The following SMAD1 variants were observed in gnomAD, a reference collection of about 807,000 sequenced individuals.
SMAD1 encodes the protein SMAD family member 1.
In SMAD1, 6 loss-of-function variants were observed where a neutral mutation model predicts 41.6. That is an observed-to-expected ratio of 0.14 (90% CI 0.08 to 0.28). The LOEUF is 0.28. Ranked by LOEUF, SMAD1 falls within the 10% of genes least tolerant of loss-of-function variation. The pLI, the probability that SMAD1 is intolerant of heterozygous loss-of-function variation, is 1.00. For missense variants in SMAD1, 379 were observed against 582.6 expected, an observed-to-expected ratio of 0.65 and a Z score of 3.60; for synonymous variants, 206 against 203.2, an observed-to-expected ratio of 1.01 and a Z score of -0.12.
At chr4:145,545,922 G>T (rs1732225807) in intron 4 of SMAD1, 1 of 152,182 alleles carries the variant, frequency 6.6e-6, no homozygotes. Context: ...AGTCTTAAGA[G>T]ATTTGACTTA....
At chr4:145,538,667 T>TA (rs1314608715) in intron 2 of SMAD1, among the ~76,000 whole-genome samples, 5 of 152,142 alleles carry the variant, frequency 3.3e-5, no homozygotes, top group South Asian at 2.1e-4. Flanking sequence ...TTTGGGGAAA[T>TA]ATATTCTGAT....
At chr4:145,549,458 G>C (rs1053382787) in intron 5 of SMAD1, among the ~76,000 whole-genome samples, 1 of 152,178 alleles carries the variant, frequency 6.6e-6, no homozygotes, top group Non-Finnish European at 1.5e-5. Flanking sequence ...CATACAGACA[G>C]ACACACACAT....
chr4:145,524,436 A>G (rs749552085), intron 2 of SMAD1, among the ~76,000 whole-genome samples: 6 of 152,218 alleles, frequency 3.9e-5, no homozygotes, highest in Non-Finnish European at 5.9e-5. Context: ...ACTTTTACAT[A>G]AACTGTAAAA....
At chr4:145,515,162 G>GTC (rs1730307548) in intron 2 of SMAD1, 149 bp downstream of exon 2, 8 of 721,018 alleles carry the variant, frequency 1.1e-5, no homozygotes, top group African/African-American at 1.8e-5. Context: ...GTGTGTGTGT[G>GTC]TGTGTGTGTG....
In SMAD1 at chr4:145,508,080, A is replaced by ATT. The variant is rs35756866; in HGVS notation, c.-176-6342_-176-6341dup. Among the ~76,000 whole-genome samples, 40 of 138,452 alleles carry ATT rather than the reference A, an allele frequency of 2.9e-4. 1 individual carries two copies. The highest frequency in any genetic ancestry group is 2.1e-3 in the South Asian group (9 of 4,322). The allele number at this position is 138,452 out of a possible 152,430, so 90.8% of individuals were successfully genotyped here. A position where few individuals can be genotyped will look rare whatever the true frequency, so the allele number is the denominator to read the frequency against. On this transcript the variant is annotated intron_variant, in intron 1 of 6. Transcript: ENST00000302085. ...TAATGTTTGGATGCCCTTGGTTTAG[A>ATT]TTTTTTTTTTTTTTTTTGCTCCCAG...
rs928636996 is a variant in SMAD1 at position 145,515,328 on chromosome 4, A to G, written c.400+315A>G. On this transcript the variant is annotated intron_variant, in intron 2 of 6. Coordinates refer to ENST00000302085, the MANE Select transcript of SMAD1 (RefSeq NM_005900.3). ...ATTTTTAATAAATTGTTTTCTTTCTAAATTTATTTTTTATGTCTCACATGG... is the reference window on the plus strand; with the variant it reads ...ATTTTTAATAAATTGTTTTCTTTCTGAATTTATTTTTTATGTCTCACATGG... 5.3e-5 allele frequency among the ~76,000 whole-genome samples: 8 copies of G among 152,240 alleles called. 1 individual carries two copies. The highest frequency in any genetic ancestry group is 2.6e-4 in the Admixed American group (4 of 15,282).
chr4:145,522,340 G>A lies in SMAD1; in HGVS notation c.400+7327G>A, dbSNP rs184542343. Among the ~76,000 whole-genome samples, 435 of 152,182 alleles carry A rather than the reference G, an allele frequency of 2.9e-3. 4 individuals carry two copies. Among genetic ancestry groups the A allele is most frequent in the Admixed American group, 4.5e-3 (69 of 15,298 alleles). ...AAATGGTCTGGGTGCAGTGGCTCACGCCTGTAATCCCAGCACTGTGGGAGG... is the reference window on the plus strand; with the variant it reads ...AAATGGTCTGGGTGCAGTGGCTCACACCTGTAATCCCAGCACTGTGGGAGG... On this transcript the variant is annotated intron_variant, in intron 2 of 6. Transcript: ENST00000302085.
At chr4:145,549,926 G>A (rs1732465785) in intron 5 of SMAD1, among the ~76,000 whole-genome samples, 1 of 152,114 alleles carries the variant, frequency 6.6e-6, no homozygotes, top group South Asian at 2.1e-4. Flanking sequence ...ACACAATTTT[G>A]CATACATTTG....
chr4:145,553,945 G>C lies in SMAD1; in HGVS notation c.1159G>C (p.Glu387Gln), dbSNP rs1418440746. 6.2e-7 allele frequency: 1 copy of C among 1,614,038 alleles called. No homozygotes were observed. Among genetic ancestry groups the C allele is most frequent in the Non-Finnish European group, 8.5e-7 (1 of 1,179,996 alleles). Residue 387 changes from glutamate (E) to glutamine (Q), a missense_variant, in exon 6 of 7, where the codon GAA (glutamate) becomes CAA (glutamine). Physicochemically the swap from Glu to Gln is conservative, Grantham distance 29. This residue lies in a region of SMAD1 where 107 missense variants were observed against 218.3 expected (regional missense o/e 0.49). Coordinates refer to ENST00000302085, the MANE Select transcript of SMAD1 (RefSeq NM_005900.3). ...TAGTCTGAAAATTTTTAACAACCAA[G>C]AATTTGCTCAGTTATTGGCACAGTC... ...GCSLKIFNNQ[E>Q]FAQLLAQSVN...
chr4:145,527,227 CTT>C (rs368437867), intron 2 of SMAD1, among the ~76,000 whole-genome samples: 19 of 143,526 alleles, frequency 1.3e-4, no homozygotes, highest in East Asian at 2.0e-4. Context: ...TCATTTAATT[CTT>C]TTTTTTTTTT....
In SMAD1 at chr4:145,482,232, C is replaced by T. The variant is rs1010332180; in HGVS notation, c.-177+194C>T. Among the ~76,000 whole-genome samples, 5 of 150,498 alleles carry T rather than the reference C, an allele frequency of 3.3e-5. No individual in the cohort carries two copies. The highest frequency in any genetic ancestry group is 7.5e-5 in the Non-Finnish European group (5 of 66,888). On this transcript the variant is annotated intron_variant, in intron 1 of 6. Coordinates refer to ENST00000302085, the MANE Select transcript of SMAD1 (RefSeq NM_005900.3). The surrounding 1 kb of genome is among the most constrained non-coding windows in gnomAD (Gnocchi z 4.2). ...CGCGGGGCGGGCCGCGACCCCCCCC[C>T]CCCATGATGGCGCCTCCCGTCTGCT...
At position 145,558,325 on chromosome 4, in the gene SMAD1, G is replaced by A. The variant is rs1017162198; in HGVS notation, c.*391G>A. Among the ~76,000 whole-genome samples, 10 of 152,112 alleles carry A rather than the reference G, an allele frequency of 6.6e-5. No individual in the cohort carries two copies. The highest frequency in any genetic ancestry group is 2.4e-4 in the African/African-American group (10 of 41,434). On this transcript the variant is annotated 3_prime_UTR_variant, in exon 7 of 7. Coordinates refer to ENST00000302085, the MANE Select transcript of SMAD1 (RefSeq NM_005900.3). Reference sequence around the variant, plus strand: ...GGGCAGAAGTTTAGCATTAATAGTTGTTCTGAAACGTGTTTTATCAGGTTT... The same window carrying A: ...GGGCAGAAGTTTAGCATTAATAGTTATTCTGAAACGTGTTTTATCAGGTTT...
upstream of SMAD1, chr4:145,481,442 T>C (rs1728164548): frequency 6.6e-6 from 1 of 152,132 alleles, no homozygotes; most frequent in Non-Finnish European, 1.5e-5. Context: ...AACGATTCAG[T>C]GGGCGCGGTG....
intron 1 of SMAD1, among the ~76,000 whole-genome samples, chr4:145,491,022 G>A (rs141431181): frequency 1.3e-5 from 2 of 152,270 alleles, no homozygotes; most frequent in African/African-American, 4.8e-5. Context: ...CCACTGGGGG[G>A]AGGGTTATTA....
At chr4:145,553,448 C>G (rs1043132425) in intron 5 of SMAD1, among the ~76,000 whole-genome samples, 7 of 152,082 alleles carry the variant, frequency 4.6e-5, no homozygotes, top group African/African-American at 1.7e-4. Flanking sequence ...ATAAGGAGCA[C>G]GCAACCTTGA....
At chr4:145,484,158 A>G (rs1175816553) in intron 1 of SMAD1, among the ~76,000 whole-genome samples, 3 of 152,210 alleles carry the variant, frequency 2.0e-5, no homozygotes, top group East Asian at 1.9e-4. Flanking sequence ...TAGCTTGGGT[A>G]TAGTAATTAG....
intron 2 of SMAD1, among the ~76,000 whole-genome samples, chr4:145,522,578 A>G (rs958571989): frequency 6.6e-5 from 10 of 152,174 alleles, no homozygotes; most frequent in Admixed American, 1.3e-4. Context: ...CAGCCTGGGC[A>G]ACAAAAGCAA....
In SMAD1 at chr4:145,506,923, A is replaced by G. The variant is rs531028029; in HGVS notation, c.-176-7515A>G. On this transcript the variant is annotated intron_variant, in intron 1 of 6. Coordinates refer to ENST00000302085, the MANE Select transcript of SMAD1 (RefSeq NM_005900.3). ...CATTTTTTTCTTTTAATATTAAGGA[A>G]TAACACATAAGTTGGAAAATTAATT... Among the ~76,000 whole-genome samples, 179 of 152,314 alleles carry G rather than the reference A, an allele frequency of 1.2e-3. 1 individual carries two copies. Among genetic ancestry groups the G allele is most frequent in the Non-Finnish European group, 2.0e-3 (139 of 68,006 alleles).
At chr4:145,486,944 A>C (rs1187428080) in intron 1 of SMAD1, among the ~76,000 whole-genome samples, 1 of 152,156 alleles carries the variant, frequency 6.6e-6, no homozygotes, top group Non-Finnish European at 1.5e-5. Context: ...TGGTGTAAGC[A>C]TATCCAGTGT....
Sources: allele counts gnomAD v4.1 joint callset (sites outside exome capture counted in the v4.1 genomes callset), GRCh38; gene constraint gnomAD v4.1.1; regional missense constraint gnomAD v4.1.1; non-coding constraint Gnocchi (gnomAD v3.1); transcripts MANE v1.5; gene names NCBI Gene and HGNC (gene_info 2026-07-23, HGNC 2026-07-21).